Variants in TNNT3 observed in about 807,000 individuals in gnomAD.
TNNT3 encodes troponin T3, fast skeletal type.
TNNT3 carries 36 observed loss-of-function variants against 54.2 expected under a neutral mutation model. The ratio of observed to expected loss-of-function variants is 0.66; its 90% confidence interval spans 0.51 to 0.88. The LOEUF is 0.88. TNNT3 is among the 40% of genes least tolerant of loss of function. TNNT3 has a pLI of 0.00. For missense variants in TNNT3, 291 were observed against 331.6 expected, an observed-to-expected ratio of 0.88 and a Z score of 0.95; for synonymous variants, 120 against 109.7, an observed-to-expected ratio of 1.09 and a Z score of -0.59.
chr11:1,923,642 G>C, intron 4 of TNNT3, 70 bp downstream of exon 4: 1 of 1,232,032 alleles, frequency 8.1e-7, no homozygotes, highest in South Asian at 1.2e-5. Context: ...CCCGTGTGGC[G>C]CTCACAGAAC....
At position 1,938,547 on chromosome 11, in the gene TNNT3, G is replaced by A; in HGVS notation, c.*55G>A. On this transcript the variant is annotated 3_prime_UTR_variant, in exon 16 of 16. Transcript: ENST00000278317. ...ACCCTCCGCCCTCTTGCACACCAGG[G>A]CCGCTCGTGGGACTCCACATCCTCC... 1 of 1,564,714 alleles carries A rather than the reference G, an allele frequency of 6.4e-7. No homozygotes were observed. The highest frequency in any genetic ancestry group is 8.8e-7 in the Non-Finnish European group (1 of 1,140,082).
At position 1,938,607 on chromosome 11, in the gene TNNT3, T is replaced by G; in HGVS notation, c.*115T>G. ...AATCCTGTCAGGGGCTCCCTGACAG[T>G]CCTGGGGGTGGAGAGGCCATCCCGG... On this transcript the variant is annotated 3_prime_UTR_variant, in exon 16 of 16. Coordinates refer to ENST00000278317, the MANE Select transcript of TNNT3 (RefSeq NM_006757.4). 1 of 1,152,876 alleles carries G rather than the reference T, an allele frequency of 8.7e-7. No homozygotes were observed. Among genetic ancestry groups the G allele is most frequent in the Non-Finnish European group, 1.3e-6 (1 of 781,350 alleles). 71.4% of individuals were successfully genotyped at this position (1,152,876 alleles called of 1,614,324 possible).
intron 7 of TNNT3, 136 bp from the exon 8 acceptor site, chr11:1,929,674 A>C: frequency 1.1e-6 from 1 of 927,942 alleles, no homozygotes; most frequent in Non-Finnish European, 1.7e-6. Context: ...GGTTGGGGGT[A>C]CTCCCAGCTG....
At chr11:1,921,091 C>T (rs958666111) in intron 1 of TNNT3, among the ~76,000 whole-genome samples, 9 of 152,212 alleles carry the variant, frequency 5.9e-5, no homozygotes, top group Middle Eastern at 6.8e-3. Context: ...CCTGGGTGCC[C>T]GAGGGTGAGG....
intron 8 of TNNT3, 85 bp from the exon 9 acceptor site, chr11:1,932,384 A>T: frequency 7.4e-7 from 1 of 1,355,752 alleles, no homozygotes; most frequent in East Asian, 2.3e-5. Context: ...CAGGGTTGGC[A>T]GGGGCCAGCG....
Position 1,922,740 on chromosome 11 carries a change from C to T in TNNT3, c.-18-117C>T, listed in dbSNP as rs1307312964. 8 of 1,020,560 alleles carry T rather than the reference C, an allele frequency of 7.8e-6. No homozygotes were observed. The East Asian group carries it at 2.0e-4, about 26-fold the overall frequency. The allele number at this position is 1,020,560 out of a possible 1,614,324, so 63.2% of individuals were successfully genotyped here. ...CAAGGCCAGAGCTGGCCCCCAAACC[C>T]TGCCCGCGGTCCCCCACAGCGCTGC... is the stretch of plus-strand genomic sequence containing the variant. On this transcript the variant is annotated intron_variant, in intron 1 of 15. Transcript: ENST00000278317.
chr11:1,929,416 C>T (rs1043198331), intron 7 of TNNT3, among the ~76,000 whole-genome samples: 10 of 152,220 alleles, frequency 6.6e-5, no homozygotes, highest in African/African-American at 2.2e-4. Flanking sequence ...TGCCAGAGCC[C>T]GGGCCGGGCA....
chr11:1,937,883 T>G (rs1855610229), intron 15 of TNNT3, among the ~76,000 whole-genome samples: 2 of 152,162 alleles, frequency 1.3e-5, no homozygotes, highest in African/African-American at 4.8e-5. Context: ...CAGGAACGTG[T>G]GTGAGGGCAC....
At chr11:1,932,393 C>A in intron 8 of TNNT3, 76 bp from the exon 9 acceptor site, 2 of 1,461,956 alleles carry the variant, frequency 1.4e-6, no homozygotes, top group African/African-American at 1.4e-5. Flanking sequence ...CAGGGGCCAG[C>A]GGGGAAAGCG....
At chr11:1,932,649 G>A (rs1853738865) in intron 9 of TNNT3, 135 bp downstream of exon 9, 10 of 808,980 alleles carry the variant, frequency 1.2e-5, no homozygotes, top group South Asian at 4.2e-5. Flanking sequence ...TTCTACCATA[G>A]CTTATTCCTG....
chr11:1,927,214 C>A (rs983709724), intron 6 of TNNT3, among the ~76,000 whole-genome samples: 3 of 152,186 alleles, frequency 2.0e-5, no homozygotes, highest in Non-Finnish European at 1.5e-5. Context: ...AAGGTGGGGA[C>A]GCTGGGGACC....
At chr11:1,926,341 C>A in intron 5 of TNNT3, 1 of 1,150,926 alleles carries the variant, frequency 8.7e-7, no homozygotes, top group Non-Finnish European at 1.3e-6. Context: ...GTGTCTTGCT[C>A]GCTCCCCGCA....
chr11:1,921,397 C>G (rs1306450160), intron 1 of TNNT3: 1 of 152,482 alleles, frequency 6.6e-6, no homozygotes, highest in Non-Finnish European at 1.5e-5. Context: ...CGTTTGGGGC[C>G]TGAACCAGCT....
chr11:1,932,591 T>C, intron 9 of TNNT3, 77 bp downstream of exon 9: 1 of 1,470,514 alleles, frequency 6.8e-7, no homozygotes, highest in South Asian at 1.1e-5. Flanking sequence ...CCTCAGAAGG[T>C]CACTTCCTCC....
intron 9 of TNNT3, among the ~76,000 whole-genome samples, chr11:1,932,791 C>T (rs1472099755): frequency 1.3e-5 from 2 of 151,784 alleles, no homozygotes; most frequent in Non-Finnish European, 2.9e-5. Flanking sequence ...CACCCACACA[C>T]CCATCCACTC....
chr11:1,936,320 C>T (rs1356052931), intron 14 of TNNT3: 12 of 1,564,928 alleles, frequency 7.7e-6, no homozygotes, highest in Admixed American at 3.3e-5. Context: ...GTGAACCTCT[C>T]GCATGGCAAA....
chr11:1,938,399 GGCCCT>G, intron 15 of TNNT3, 34 bp from the exon 16 acceptor site: 1 of 1,611,360 alleles, frequency 6.2e-7, no homozygotes, highest in South Asian at 1.1e-5. Flanking sequence ...CATGGCCAGA[GGCCCT>G]GACCCTGAAG....
chr11:1,935,284 C>T (rs1035910987), intron 14 of TNNT3: 13 of 360,050 alleles, frequency 3.6e-5, no homozygotes, highest in African/African-American at 8.4e-5. Context: ...TCACCCAGCT[C>T]GGCCCCGGGG....
At chr11:1,936,917 G>T in intron 14 of TNNT3, 46 bp from the exon 15 acceptor site, 1 of 1,576,958 alleles carries the variant, frequency 6.3e-7, no homozygotes. Context: ...GTACACGCAG[G>T]CCTGGCCCTC....
Sources: allele counts gnomAD v4.1 joint callset (sites outside exome capture counted in the v4.1 genomes callset), GRCh38; gene constraint gnomAD v4.1.1; transcripts MANE v1.5; gene names NCBI Gene and HGNC (gene_info 2026-07-23, HGNC 2026-07-21).